The following MAN1A2 variants were observed in gnomAD, a reference collection of about 807,000 sequenced individuals.
MAN1A2 encodes the protein mannosidase alpha class 1A member 2.
Under a neutral mutation model 75.7 loss-of-function variants are expected in MAN1A2, and 26 were observed. The observed-to-expected ratio is 0.34, with a 90% CI of 0.25 to 0.48. The LOEUF is 0.48. Among genes scored for constraint, MAN1A2 ranks in the 20% least tolerant of loss-of-function variants. MAN1A2 has a pLI of 0.99. For missense variants in MAN1A2, 562 were observed against 775.5 expected, an observed-to-expected ratio of 0.72 and a Z score of 3.27; for synonymous variants, 247 against 264.6, an observed-to-expected ratio of 0.93 and a Z score of 0.65.
Position 117,402,200 on chromosome 1 carries a change from G to C in MAN1A2, c.317G>C (p.Arg106Pro), listed in dbSNP as rs61737156. 2 of 1,609,834 alleles carry C rather than the reference G, an allele frequency of 1.2e-6. No homozygotes were observed. The highest frequency in any genetic ancestry group is 1.7e-6 in the Non-Finnish European group (2 of 1,178,808). The change falls in exon 2 of 13, where the codon CGT becomes CCT. Residue 106 changes from arginine (R) to proline (P), a missense_variant. Arg to Pro is a moderately radical substitution (Grantham distance 103, BLOSUM62 -2). Coordinates refer to ENST00000356554, the MANE Select transcript of MAN1A2 (RefSeq NM_006699.5). ...DEHRHREEEE[R>P]LRNKIRADHE... ...TTTTCTCACAGGGAAGAGGAAGAAC[G>C]TCTGAGAAATAAAATTCGAGCTGAT...
At chr1:117,405,880 T>C (rs986201847) in intron 3 of MAN1A2, among the ~76,000 whole-genome samples, 4 of 152,130 alleles carry the variant, frequency 2.6e-5, no homozygotes, top group African/African-American at 9.7e-5. Context: ...TTTATCTGAG[T>C]ATTTAAAAGC....
intron 6 of MAN1A2, among the ~76,000 whole-genome samples, chr1:117,442,888 C>G (rs1343262167): frequency 6.6e-6 from 1 of 152,084 alleles, no homozygotes; most frequent in Non-Finnish European, 1.5e-5. Flanking sequence ...AATCTGTTTT[C>G]TAATCGAAAA....
chr1:117,508,958 C>T (rs1209381155), intron 12 of MAN1A2, among the ~76,000 whole-genome samples: 1 of 149,888 alleles, frequency 6.7e-6, no homozygotes, highest in Non-Finnish European at 1.5e-5. Context: ...TGCTAAGTAC[C>T]AAAACTAAGT....
intron 7 of MAN1A2, among the ~76,000 whole-genome samples, chr1:117,465,748 C>G (rs1422314635): frequency 2.0e-5 from 3 of 152,076 alleles, no homozygotes; most frequent in African/African-American, 7.2e-5. Flanking sequence ...AGGAAAGTCT[C>G]CAGCTTCTTA....
At chr1:117,485,736 A>T (rs752221886) in intron 8 of MAN1A2, among the ~76,000 whole-genome samples, 2 of 151,958 alleles carry the variant, frequency 1.3e-5, no homozygotes, top group African/African-American at 4.8e-5. Flanking sequence ...CCTCTTTTTT[A>T]AAAAATCACA....
intron 1 of MAN1A2, among the ~76,000 whole-genome samples, chr1:117,400,876 C>G (rs1401392392): frequency 6.6e-6 from 1 of 151,946 alleles, no homozygotes; most frequent in Non-Finnish European, 1.5e-5. Context: ...TAAAATTTAC[C>G]ATCTTAACCA....
At chr1:117,500,360 G>T (rs897555447) in intron 11 of MAN1A2, among the ~76,000 whole-genome samples, 1 of 151,910 alleles carries the variant, frequency 6.6e-6, no homozygotes, top group Non-Finnish European at 1.5e-5. Context: ...AAGCCCTTCA[G>T]ATCTTACTTT....
intron 5 of MAN1A2, among the ~76,000 whole-genome samples, chr1:117,426,276 T>A (rs1648370419): frequency 6.6e-6 from 1 of 151,876 alleles, no homozygotes; most frequent in Admixed American, 6.6e-5. Flanking sequence ...GTATGAAGAG[T>A]CTGAGTGGTT....
At chr1:117,456,336 T>C (rs1649581848) in intron 6 of MAN1A2, among the ~76,000 whole-genome samples, 1 of 151,956 alleles carries the variant, frequency 6.6e-6, no homozygotes, top group African/African-American at 2.4e-5. Flanking sequence ...TGGCATCATA[T>C]AATGAGAATG....
chr1:117,380,826 ATTGCT>A (rs1653311763), intron 1 of MAN1A2, among the ~76,000 whole-genome samples: 1 of 152,164 alleles, frequency 6.6e-6, no homozygotes, highest in Non-Finnish European at 1.5e-5. Context: ...CTTTTTCAAA[ATTGCT>A]TTGGCTATTT....
intron 12 of MAN1A2, among the ~76,000 whole-genome samples, chr1:117,518,771 A>G (rs1325368069): frequency 6.6e-6 from 1 of 152,076 alleles, no homozygotes; most frequent in Non-Finnish European, 1.5e-5. Flanking sequence ...AGCACTAGAC[A>G]GGTCAACAAG....
At chr1:117,472,266 A>G (rs1195821260) in intron 8 of MAN1A2, among the ~76,000 whole-genome samples, 1 of 152,054 alleles carries the variant, frequency 6.6e-6, no homozygotes, top group Non-Finnish European at 1.5e-5. Context: ...AGTTAAATAA[A>G]CTATTCAAAT....
intron 6 of MAN1A2, among the ~76,000 whole-genome samples, chr1:117,443,374 G>T (rs575626750): frequency 1.3e-5 from 2 of 152,260 alleles, no homozygotes; most frequent in South Asian, 4.1e-4. Context: ...GCTGGCTGAA[G>T]TTCCAGAGCA....
intron 6 of MAN1A2, among the ~76,000 whole-genome samples, chr1:117,454,139 C>T (rs540027473): frequency 1.3e-4 from 20 of 152,162 alleles, no homozygotes; most frequent in African/African-American, 4.3e-4. Flanking sequence ...TACTGAGATA[C>T]GAAAAAGTTT....
chr1:117,516,462 C>T (rs572243239), intron 12 of MAN1A2, among the ~76,000 whole-genome samples: 1 of 152,062 alleles, frequency 6.6e-6, no homozygotes, highest in African/African-American at 2.4e-5. Flanking sequence ...TAATAATAGA[C>T]TTGAGAGTAG....
chr1:117,471,733 T>C (rs1380868621), intron 8 of MAN1A2, among the ~76,000 whole-genome samples: 1 of 151,918 alleles, frequency 6.6e-6, no homozygotes, highest in African/African-American at 2.4e-5. Context: ...AATAATAAGG[T>C]TAATTTTGTT....
At chr1:117,423,569 A>G (rs1199730776) in intron 5 of MAN1A2, among the ~76,000 whole-genome samples, 1 of 151,976 alleles carries the variant, frequency 6.6e-6, no homozygotes, top group Non-Finnish European at 1.5e-5. Flanking sequence ...ATGTATTTTG[A>G]TAAATTTATA....
chr1:117,444,841 A>AGCT (rs1649166400), intron 6 of MAN1A2, among the ~76,000 whole-genome samples: 1 of 152,108 alleles, frequency 6.6e-6, no homozygotes, highest in Non-Finnish European at 1.5e-5. Context: ...ATATATACAA[A>AGCT]TATATGTTTT....
chr1:117,503,082 T>A (rs1047999719), intron 12 of MAN1A2, 112 bp downstream of exon 12: 1 of 557,084 alleles, frequency 1.8e-6, no homozygotes, highest in Non-Finnish European at 3.1e-6. Flanking sequence ...GTTGTAAATA[T>A]CTTTTTATGT....
Sources: allele counts gnomAD v4.1 joint callset (sites outside exome capture counted in the v4.1 genomes callset), GRCh38; gene constraint gnomAD v4.1.1; transcripts MANE v1.5; gene names NCBI Gene and HGNC (gene_info 2026-07-23, HGNC 2026-07-21).